ZDHHC21: variants seen among roughly 807,000 people sequenced by gnomAD.
The protein encoded by ZDHHC21 is palmitoyltransferase ZDHHC21.
A neutral mutation model predicts 34.6 loss-of-function variants in ZDHHC21; 15 were observed. That is an observed-to-expected ratio of 0.43 (90% CI 0.29 to 0.67). ZDHHC21 has a LOEUF of 0.67. Ranked by LOEUF, ZDHHC21 falls within the 30% of genes least tolerant of loss-of-function variation. ZDHHC21 has a pLI of 0.14. For missense variants in ZDHHC21, 344 were observed against 327.7 expected (o/e 1.05, Z -0.38); for synonymous variants, 142 against 101.8 (o/e 1.40, Z -2.38).
At chr9:14,638,266 G>C (rs1828663845) in intron 8 of ZDHHC21, among the ~76,000 whole-genome samples, 1 of 151,944 alleles carries the variant, frequency 6.6e-6, no homozygotes, top group Admixed American at 6.6e-5. Flanking sequence ...AAGGCATCAA[G>C]AACATACATT....
At chr9:14,689,603 G>C (rs932846400) in intron 2 of ZDHHC21, among the ~76,000 whole-genome samples, 1 of 152,120 alleles carries the variant, frequency 6.6e-6, no homozygotes, top group Non-Finnish European at 1.5e-5. Flanking sequence ...GTACATGACT[G>C]TATTAGTAGT....
At chr9:14,639,412 A>G (rs1032049837) in intron 8 of ZDHHC21, among the ~76,000 whole-genome samples, 10 of 152,122 alleles carry the variant, frequency 6.6e-5, no homozygotes, top group African/African-American at 2.4e-4. Flanking sequence ...TTATAAACAC[A>G]CAGAAGAAAT....
At chr9:14,606,037 T>C in the ZDHHC21 span, among the ~76,000 whole-genome samples, 1 of 152,196 alleles carries the variant, frequency 6.6e-6, no homozygotes, top group South Asian at 2.1e-4. Flanking sequence ...ATAATCTTGA[T>C]TTAGGAAAGA....
the ZDHHC21 span, among the ~76,000 whole-genome samples, chr9:14,602,741 T>C: frequency 5.1e-4 from 77 of 151,796 alleles, no homozygotes; most frequent in Non-Finnish European, 1.6e-4. Flanking sequence ...CTCAAAAATA[T>C]GCTGAGCAAA....
chr9:14,664,270 C>G (rs1354139505), intron 5 of ZDHHC21, among the ~76,000 whole-genome samples: 5 of 152,168 alleles, frequency 3.3e-5, no homozygotes, highest in Non-Finnish European at 7.3e-5. Context: ...AAAATCGGGT[C>G]ACTCCCACCC....
At chr9:14,590,146 C>G in the ZDHHC21 span, 11 of 151,970 alleles carry the variant, frequency 7.2e-5, no homozygotes, top group African/African-American at 2.7e-4. Context: ...AATACAATAT[C>G]TAAAATGAAA....
At chr9:14,671,666 G>A (rs1358275152) in intron 5 of ZDHHC21, among the ~76,000 whole-genome samples, 1 of 151,780 alleles carries the variant, frequency 6.6e-6, no homozygotes, top group Non-Finnish European at 1.5e-5. Context: ...CTCTAGTAAT[G>A]ACAAAACCAC....
chr9:14,690,236 G>C (rs1838968290), intron 2 of ZDHHC21, 101 bp downstream of exon 2: 1 of 401,706 alleles, frequency 2.5e-6, no homozygotes, highest in Admixed American at 3.2e-5. Context: ...ATTGGTGGGG[G>C]GTTGGGGGTA....
At chr9:14,651,202 A>T (rs924703461) in intron 7 of ZDHHC21, among the ~76,000 whole-genome samples, 2 of 152,044 alleles carry the variant, frequency 1.3e-5, no homozygotes, top group South Asian at 4.1e-4. Flanking sequence ...GATATAACAG[A>T]CTGCCTCAAT....
chr9:14,622,784 C>A, intron 8 of ZDHHC21: 2 of 968,028 alleles, frequency 2.1e-6, no homozygotes, highest in Non-Finnish European at 2.5e-6. Flanking sequence ...ACCTGTTTAA[C>A]CCTGCAAACA....
At chr9:14,627,388 T>C (rs1016492499) in intron 8 of ZDHHC21, among the ~76,000 whole-genome samples, 1 of 152,186 alleles carries the variant, frequency 6.6e-6, no homozygotes, top group African/African-American at 2.4e-5. Flanking sequence ...GGGAAAACAT[T>C]TTCTTCTTAA....
At position 14,612,961 on chromosome 9, in the gene ZDHHC21, T is replaced by C. The variant is rs1271766018; in HGVS notation, c.*6005A>G. ...TTTCAGTATTCACTAAAGTGCCCAATAAGCTATATAGTTCATTTATATAAA... is the reference window on the plus strand; with the variant it reads ...TTTCAGTATTCACTAAAGTGCCCAACAAGCTATATAGTTCATTTATATAAA... On this transcript the variant is annotated 3_prime_UTR_variant, in exon 10 of 10. Coordinates refer to ENST00000380916, the MANE Select transcript of ZDHHC21 (RefSeq NM_178566.6). 1 of 151,628 alleles carries C rather than the reference T, an allele frequency of 6.6e-6. No individual in the cohort carries two copies. Among genetic ancestry groups the C allele is most frequent in the Non-Finnish European group, 1.5e-5 (1 of 67,828 alleles). The allele number at this position is 151,628 out of a possible 1,614,324, so 9.4% of individuals were successfully genotyped here. A position where few individuals can be genotyped will look rare whatever the true frequency, so the allele number is the denominator to read the frequency against.
chr9:14,667,503 G>C (rs1294048512), intron 5 of ZDHHC21, among the ~76,000 whole-genome samples: 2 of 146,108 alleles, frequency 1.4e-5, no homozygotes, highest in African/African-American at 2.6e-5. Context: ...CATTTTATGA[G>C]GCCAGCATCA....
chr9:14,620,318 T>C (rs1480786013), intron 8 of ZDHHC21, among the ~76,000 whole-genome samples: 1 of 151,984 alleles, frequency 6.6e-6, no homozygotes, highest in Non-Finnish European at 1.5e-5. Context: ...AAACAGAAGA[T>C]TGCTTCCAGA....
At chr9:14,686,058 G>C (rs1838264550) in intron 2 of ZDHHC21, among the ~76,000 whole-genome samples, 1 of 151,982 alleles carries the variant, frequency 6.6e-6, no homozygotes, top group Admixed American at 6.6e-5. Flanking sequence ...CCTGTCGTGG[G>C]GTGGGGGAGG....
intron 9 of ZDHHC21, 40 bp from the exon 10 acceptor site, chr9:14,619,138 A>G: frequency 6.4e-7 from 1 of 1,567,246 alleles, no homozygotes; most frequent in South Asian, 1.2e-5. Context: ...CAGCACTCCC[A>G]TGGTGCACTT....
intron 8 of ZDHHC21, among the ~76,000 whole-genome samples, chr9:14,623,083 CAT>C (rs763543248): frequency 6.7e-6 from 1 of 148,562 alleles, no homozygotes; most frequent in Admixed American, 6.7e-5. Context: ...TGGAAGAAAA[CAT>C]AGAGGAAATG....
intron 8 of ZDHHC21, among the ~76,000 whole-genome samples, chr9:14,638,259 G>T: frequency 6.6e-6 from 1 of 151,914 alleles, no homozygotes; most frequent in Non-Finnish European, 1.5e-5. Flanking sequence ...TTTGACAAAG[G>T]CATCAAGAAC....
chr9:14,691,319 T>G (rs1839118409), intron 1 of ZDHHC21, among the ~76,000 whole-genome samples: 1 of 152,216 alleles, frequency 6.6e-6, no homozygotes, highest in Non-Finnish European at 1.5e-5. Context: ...ATGGCAGCAG[T>G]TTGCACTTGT....
Sources: gnomAD v4.1 joint callset for allele counts (sites outside exome capture counted in the v4.1 genomes callset) on GRCh38, gnomAD v4.1.1 for gene constraint, MANE v1.5 for transcripts, NCBI Gene and HGNC (gene_info 2026-07-23, HGNC 2026-07-21) for gene names.